The following LIN28B variants were observed in gnomAD, a reference collection of about 807,000 sequenced individuals.
The protein encoded by LIN28B is lin-28 RNA binding posttranscriptional regulator B.
In LIN28B, 5 loss-of-function variants were observed where a neutral mutation model predicts 21.9. The ratio of observed to expected loss-of-function variants is 0.23; its 90% CI spans 0.12 to 0.48. The LOEUF (loss-of-function observed/expected upper bound fraction) is 0.48, where lower values mean the gene tolerates loss of function less well. LIN28B is among the 20% of genes least tolerant of loss of function. The probability of loss-of-function intolerance (pLI) is 0.98; values close to 1 mark genes in which losing one functional copy is unlikely to be tolerated. For missense variants in LIN28B, 245 were observed against 310.5 expected, an observed-to-expected ratio of 0.79 and a Z score of 1.58; for synonymous variants, 109 against 111.3, an observed-to-expected ratio of 0.98 and a Z score of 0.13.
chr6:104,974,301 C>T (rs373096827), intron 2 of LIN28B, among the ~76,000 whole-genome samples: 36 of 151,776 alleles, frequency 2.4e-4, no homozygotes, highest in African/African-American at 8.5e-4. Context: ...CAAGCCTGGC[C>T]AATATGGTGA....
At chr6:105,064,713 C>T (rs964596437) in intron 3 of LIN28B, among the ~76,000 whole-genome samples, 1 of 152,074 alleles carries the variant, frequency 6.6e-6, no homozygotes, top group Non-Finnish European at 1.5e-5. Flanking sequence ...AACAAATTTA[C>T]CTCCTTTTAC....
rs536720844 is a variant in LIN28B, at chr6:105,018,952, C to T, written c.199-7346C>T. On this transcript the variant is annotated intron_variant, in intron 2 of 3. Coordinates refer to ENST00000345080, the MANE Select transcript of LIN28B (RefSeq NM_001004317.4). Reference sequence around the variant, plus strand: ...CTTGGTCTTTCTTTTCTTTTCTTTTCTTTTTTTTTTGAGTTGGAGTTTCAC... The same window carrying T: ...CTTGGTCTTTCTTTTCTTTTCTTTTTTTTTTTTTTTGAGTTGGAGTTTCAC... 3.1e-3 allele frequency among the ~76,000 whole-genome samples: 450 copies of T among 147,300 alleles called. 5 individuals are homozygous for T. Among genetic ancestry groups the T allele is most frequent in the African/African-American group, 0.011 (430 of 40,340 alleles).
chr6:105,007,649 T>C (rs1770844139), intron 2 of LIN28B, among the ~76,000 whole-genome samples: 1 of 151,872 alleles, frequency 6.6e-6, no homozygotes, highest in Non-Finnish European at 1.5e-5. Flanking sequence ...CTTAGCCTCC[T>C]GAATAGCTGG....
At chr6:104,939,011 C>A (rs990518034) in intron 2 of LIN28B, among the ~76,000 whole-genome samples, 1 of 152,016 alleles carries the variant, frequency 6.6e-6, no homozygotes, top group Non-Finnish European at 1.5e-5. Flanking sequence ...ATACATCACA[C>A]TTAAATGCTG....
intron 3 of LIN28B, among the ~76,000 whole-genome samples, chr6:105,053,719 G>GTGTGTA (rs1562108171): frequency 2.1e-4 from 31 of 150,626 alleles, no homozygotes; most frequent in African/African-American, 7.6e-4. Flanking sequence ...GGGTGCGTGT[G>GTGTGTA]TGTGTGTGTG....
At chr6:104,953,544 T>C (rs1285814635), upstream of LIN28B, among the ~76,000 whole-genome samples, 1 of 152,168 alleles carries the variant, frequency 6.6e-6, no homozygotes, top group Non-Finnish European at 1.5e-5. Flanking sequence ...AATGTAAAAG[T>C]CCCTAAATTA....
chr6:104,941,984 C>A, intron 2 of LIN28B, among the ~76,000 whole-genome samples: 1 of 152,126 alleles, frequency 6.6e-6, no homozygotes, highest in Non-Finnish European at 1.5e-5. Flanking sequence ...TGAATTGTTT[C>A]ATGTAACACA....
At chr6:104,998,975 CAA>C (rs1770667282) in intron 2 of LIN28B, among the ~76,000 whole-genome samples, 1 of 151,622 alleles carries the variant, frequency 6.6e-6, no homozygotes, top group African/African-American at 2.4e-5. Context: ...AATGTACAGA[CAA>C]AAGATTTAAA....
chr6:105,057,733 CT>C (rs1562109571), intron 3 of LIN28B, among the ~76,000 whole-genome samples: 1 of 151,220 alleles, frequency 6.6e-6, no homozygotes, highest in African/African-American at 2.5e-5. Flanking sequence ...CTATAAATTA[CT>C]TTTTTCTATA....
At chr6:105,014,127 A>G (rs774030512) in intron 2 of LIN28B, among the ~76,000 whole-genome samples, 1 of 152,042 alleles carries the variant, frequency 6.6e-6, no homozygotes. Flanking sequence ...TTGAAACCCT[A>G]TGATGTTCTT....
intron 3 of LIN28B, among the ~76,000 whole-genome samples, chr6:104,951,132 A>G (rs1399763899): frequency 1.3e-5 from 2 of 152,188 alleles, no homozygotes; most frequent in African/African-American, 4.8e-5. Flanking sequence ...TATTATTAAA[A>G]TTAACTTAAA....
chr6:105,024,269 G>A (rs1344104893), intron 2 of LIN28B, among the ~76,000 whole-genome samples: 3 of 152,142 alleles, frequency 2.0e-5, no homozygotes, highest in Non-Finnish European at 4.4e-5. Context: ...TGGGATTACA[G>A]GTGTGAGCTA....
intron 2 of LIN28B, among the ~76,000 whole-genome samples, chr6:104,939,877 T>A (rs1470089905): frequency 6.6e-6 from 1 of 152,204 alleles, no homozygotes; most frequent in Non-Finnish European, 1.5e-5. Context: ...GAAAGTCTGA[T>A]GAGAAACTAC....
chr6:105,041,077 A>AT (rs113960302), intron 3 of LIN28B, among the ~76,000 whole-genome samples: 4,370 of 140,740 alleles, frequency 0.031, 186 homozygotes, highest in African/African-American at 0.097. Flanking sequence ...ACAACCAATA[A>AT]TTTTTTTTTT....
rs371889726 is a variant in LIN28B, at chr6:105,015,281, CCTT to C, written c.199-11013_199-11011del. Reference sequence around the variant, plus strand: ...TTTTAAAAATTCCATTATGAAATGTCCTTCTTTATTTTTGATAATACTCTTTAT... The same window carrying C: ...TTTTAAAAATTCCATTATGAAATGTCCTTTATTTTTGATAATACTCTTTAT... On this transcript the variant is annotated intron_variant, in intron 2 of 3. Coordinates refer to ENST00000345080, the MANE Select transcript of LIN28B (RefSeq NM_001004317.4). Among the ~76,000 whole-genome samples the C allele has an allele frequency of 7.6e-4, 115 of 152,082 alleles. 2 individuals carry two copies. In the East Asian group the frequency reaches 0.018, roughly 24 times the overall value.
upstream of LIN28B, among the ~76,000 whole-genome samples, chr6:104,956,191 C>T (rs1252341521): frequency 6.6e-6 from 1 of 151,902 alleles, no homozygotes; most frequent in Admixed American, 6.6e-5. Flanking sequence ...GACTCTGCTG[C>T]CGCCTATCCT....
chr6:105,043,683 G>A (rs889171683), intron 3 of LIN28B, among the ~76,000 whole-genome samples: 1 of 151,576 alleles, frequency 6.6e-6, no homozygotes, highest in Non-Finnish European at 1.5e-5. Flanking sequence ...CTGGATTCAA[G>A]CAATTCTCCT....
chr6:105,027,959 C>T (rs1284598796), intron 3 of LIN28B, among the ~76,000 whole-genome samples: 2 of 152,044 alleles, frequency 1.3e-5, no homozygotes, highest in African/African-American at 4.8e-5. Flanking sequence ...TTTAGGAGCT[C>T]ATTTTGTACA....
chr6:105,057,943 A>G, intron 3 of LIN28B: 1 of 242,808 alleles, frequency 4.1e-6, no homozygotes, highest in South Asian at 4.2e-5. Context: ...TGAGCAATTC[A>G]ATATCTGAAC....
Sources: gnomAD v4.1 joint callset for allele counts (sites outside exome capture counted in the v4.1 genomes callset) on GRCh38, gnomAD v4.1.1 for gene constraint, MANE v1.5 for transcripts, NCBI Gene and HGNC (gene_info 2026-07-23, HGNC 2026-07-21) for gene names.